Variants in SULF1 observed in about 807,000 individuals in gnomAD.
SULF1 encodes extracellular sulfatase Sulf-1.
Under a neutral mutation model 110.5 loss-of-function variants are expected in SULF1, and 46 were observed. That is an observed-to-expected ratio of 0.42 (90% CI 0.33 to 0.53). The LOEUF is 0.53. Among genes scored for constraint, SULF1 ranks in the 20% least tolerant of loss-of-function variants. The pLI is 0.12. For synonymous variants in SULF1, 371 were observed against 387.1 expected (o/e 0.96, Z 0.49); for missense variants, 941 against 1,094.2 (o/e 0.86, Z 1.98).
chr8:69,549,562 T>G (rs1814538800), intron 3 of SULF1, among the ~76,000 whole-genome samples: 1 of 137,532 alleles, frequency 7.3e-6, no homozygotes, highest in Non-Finnish European at 1.6e-5. Context: ...GGGAGACAAG[T>G]CCTGCTGGGG....
intron 1 of SULF1, among the ~76,000 whole-genome samples, chr8:69,482,429 C>G (rs1440611608): frequency 6.6e-6 from 1 of 151,930 alleles, no homozygotes; most frequent in Admixed American, 6.6e-5. Flanking sequence ...GTACTTGTGC[C>G]CATTTTAAAG....
In SULF1 at chr8:69,540,581, A is replaced by G. The variant is rs1813789114; in HGVS notation, c.-133-22958A>G. Among the ~76,000 whole-genome samples, 4 of 152,186 alleles carry G rather than the reference A, an allele frequency of 2.6e-5. No individual in the cohort carries two copies. In the South Asian group the frequency reaches 8.3e-4, roughly 32 times the overall value. ...AGGCCAGTTCTTTTGGTGAGGAGCC[A>G]TCTCCCTGCCAGGACAGAGACAAGC... On this transcript the variant is annotated intron_variant, in intron 3 of 22. Coordinates refer to ENST00000402687, the MANE Select transcript of SULF1 (RefSeq NM_001128205.2).
In SULF1 at chr8:69,603,560, G is replaced by A. The variant is rs149228845; in HGVS notation, c.1191-40G>A. ...TTAGCACAGATCCATTTGGAAAAAC[G>A]TCCAGATGCCAAAAGTAAATATTAT... is the stretch of plus-strand genomic sequence containing the variant. On this transcript the variant is annotated intron_variant, in intron 11 of 22. Transcript: ENST00000402687. 42 of 1,556,926 alleles carry A rather than the reference G, an allele frequency of 2.7e-5. No homozygotes were observed. The Admixed American group carries it at 6.0e-4, about 22-fold the overall frequency.
chr8:69,527,044 G>A (rs925356492), intron 3 of SULF1, among the ~76,000 whole-genome samples: 5 of 152,024 alleles, frequency 3.3e-5, no homozygotes, highest in African/African-American at 4.8e-5. Flanking sequence ...ATAAAATGTC[G>A]GTGTGAACAG....
chr8:69,636,831 A>G (rs1811071835), intron 19 of SULF1, among the ~76,000 whole-genome samples: 1 of 152,144 alleles, frequency 6.6e-6, no homozygotes, highest in Admixed American at 6.5e-5. Flanking sequence ...TTTTTGATGC[A>G]TCTCATTGAT....
intron 6 of SULF1, among the ~76,000 whole-genome samples, chr8:69,579,836 A>G (rs1421573954): frequency 6.6e-6 from 1 of 152,218 alleles, no homozygotes; most frequent in East Asian, 1.9e-4. Context: ...GTAGGGAGAA[A>G]GTCAATGTGT....
intron 13 of SULF1, among the ~76,000 whole-genome samples, chr8:69,608,892 G>A (rs16936176): frequency 0.054 from 8,247 of 152,028 alleles, 274 homozygotes; most frequent in South Asian, 0.16. Flanking sequence ...TTACACCCCC[G>A]GACACGTTTA....
intron 5 of SULF1, among the ~76,000 whole-genome samples, chr8:69,572,522 G>C (rs1805309072): frequency 6.6e-6 from 1 of 152,170 alleles, no homozygotes; most frequent in Admixed American, 6.5e-5. Flanking sequence ...TCTTGGCAGT[G>C]ATCTAAGCCA....
rs1384424195 is a variant in SULF1 at position 69,658,722 on chromosome 8, G to T, written c.*187G>T. 1.5e-6 allele frequency: 1 copy of T among 687,196 alleles called. No individual in the cohort carries two copies. Among genetic ancestry groups the T allele is most frequent in the Non-Finnish European group, 2.7e-6 (1 of 374,892 alleles). The allele number at this position is 687,196 out of a possible 1,614,324, so 42.6% of individuals were successfully genotyped here. Reference sequence around the variant, plus strand: ...ACTATGAGCAAAATAAAACAAATAAGACTCAAACTGCTCAAAGTGACGGGT... The same window carrying T: ...ACTATGAGCAAAATAAAACAAATAATACTCAAACTGCTCAAAGTGACGGGT... On this transcript the variant is annotated 3_prime_UTR_variant, in exon 23 of 23. Transcript: ENST00000402687.
chr8:69,480,009 G>C (rs1422532214), intron 1 of SULF1, among the ~76,000 whole-genome samples: 1 of 151,330 alleles, frequency 6.6e-6, no homozygotes, highest in East Asian at 1.9e-4. Context: ...ACAAGAAAAA[G>C]CTTTTTTTTT....
chr8:69,649,354 G>A (rs1271534139), intron 22 of SULF1, among the ~76,000 whole-genome samples: 24 of 151,844 alleles, frequency 1.6e-4, no homozygotes, highest in Admixed American at 1.6e-3. Context: ...AATGCTTTAG[G>A]AGGTATTTCC....
intron 3 of SULF1, among the ~76,000 whole-genome samples, chr8:69,546,827 T>C (rs569634504): frequency 6.6e-6 from 1 of 152,344 alleles, no homozygotes; most frequent in East Asian, 1.9e-4. Flanking sequence ...TAACTCACTA[T>C]ATTCTCATTA....
chr8:69,580,335 A>G (rs576164502), intron 6 of SULF1, among the ~76,000 whole-genome samples: 1 of 152,218 alleles, frequency 6.6e-6, no homozygotes, highest in Non-Finnish European at 1.5e-5. Flanking sequence ...TAAATTTATT[A>G]TGAGGATATC....
At chr8:69,604,713 G>T in intron 12 of SULF1, 90 bp from the exon 13 acceptor site, 1 of 1,529,606 alleles carries the variant, frequency 6.5e-7, no homozygotes, top group Non-Finnish European at 8.9e-7. Flanking sequence ...GTGGAGTCAT[G>T]TGACAGGGTA....
chr8:69,555,596 G>A (rs957077096), intron 3 of SULF1, among the ~76,000 whole-genome samples: 4 of 151,930 alleles, frequency 2.6e-5, no homozygotes, highest in African/African-American at 9.7e-5. Context: ...GGCATAAGTT[G>A]CAGTGAGCCA....
Position 69,600,761 on chromosome 8 carries a change from C to A in SULF1, c.885+8C>A, listed in dbSNP as rs1226344006. 6.2e-7 allele frequency: 1 copy of A among 1,611,534 alleles called. No individual in the cohort carries two copies. Among genetic ancestry groups the A allele is most frequent in the South Asian group, 1.1e-5 (1 of 90,734 alleles). The stretch of plus-strand genomic sequence containing the variant: ...GATGATTCTGTGGAGAGGGTAAGCA[C>A]ATGAACCTACCTCAGTGATAGTTTT... On this transcript the variant is annotated splice_region_variant and intron_variant, in intron 9 of 22. Transcript: ENST00000402687.
At chr8:69,470,812 C>T (rs936017121) in intron 1 of SULF1, among the ~76,000 whole-genome samples, 11 of 152,182 alleles carry the variant, frequency 7.2e-5, no homozygotes, top group Non-Finnish European at 1.5e-4. Context: ...CCAACCATTT[C>T]TCCCCGCCAA....
Position 69,624,114 on chromosome 8 carries a change from T to C in SULF1, c.1767T>C (p.Ala589=), listed in dbSNP as rs1465889597. Residue 589 remains alanine, a synonymous_variant, in exon 15 of 23, where the codon GCT becomes GCC. Transcript: ENST00000402687. The stretch of plus-strand genomic sequence containing the variant: ...ACAAGGGGCCAAGAGATCTCCAGGC[T>C]TCCAGTGGTGGCAACAGGGGCAGGA... ...EGHKGPRDLQ[A]SSGGNRGRML... is the part of the protein sequence containing the mutation. 2 of 1,613,858 alleles carry C rather than the reference T, an allele frequency of 1.2e-6. No individual in the cohort carries two copies. Among genetic ancestry groups the C allele is most frequent in the Admixed American group, 1.7e-5 (1 of 60,016 alleles).
chr8:69,553,705 A>G (rs985233531), intron 3 of SULF1, among the ~76,000 whole-genome samples: 1 of 152,118 alleles, frequency 6.6e-6, no homozygotes, highest in South Asian at 2.1e-4. Flanking sequence ...ATCATTGAAA[A>G]CTGTTTTAGT....
Sources: allele counts gnomAD v4.1 joint callset (sites outside exome capture counted in the v4.1 genomes callset), GRCh38; gene constraint gnomAD v4.1.1; transcripts MANE v1.5; gene names NCBI Gene and HGNC (gene_info 2026-07-23, HGNC 2026-07-21).